ESPN: variants seen among roughly 807,000 people sequenced by gnomAD.
ESPN encodes autosomal recessive deafness type 36 protein.
In ESPN, 68 loss-of-function variants were observed where a neutral mutation model predicts 77.7. The ratio of observed to expected loss-of-function variants is 0.87; its 90% confidence interval spans 0.72 to 1.07. The LOEUF (loss-of-function observed/expected upper bound fraction) is 1.07. ESPN is among the 50% of genes least tolerant of loss of function. The pLI, the probability that ESPN is intolerant of heterozygous loss-of-function variation, is 0.00. For missense variants in ESPN, 1,060 were observed against 1,239.0 expected, an observed-to-expected ratio of 0.86 and a Z score of 2.17; for synonymous variants, 449 against 567.1, an observed-to-expected ratio of 0.79 and a Z score of 2.96.
In ESPN at chr1:6,440,445, G is replaced by C. The variant is rs766549857; in HGVS notation, c.675+5G>C. On this transcript the variant is annotated splice_donor_5th_base_variant and intron_variant, in intron 3 of 12. Coordinates refer to ENST00000645284, the MANE Select transcript of ESPN (RefSeq NM_031475.3). ...AGCCCAGTCATCGTGTGGTTGGTGA[G>C]CTCCGGGCCCGGGCGGGGAGCAGGG... is the stretch of plus-strand genomic sequence containing the variant. The C allele has an allele frequency of 6.4e-7, 1 of 1,550,898 alleles. No homozygotes were observed. The highest frequency in any genetic ancestry group is 1.2e-5 in the South Asian group (1 of 85,800).
chr1:6,447,659 C>G lies in ESPN; in HGVS notation c.1465-982C>G, dbSNP rs535680147. Among the ~76,000 whole-genome samples, 3 of 152,316 alleles carry G rather than the reference C, an allele frequency of 2.0e-5. No individual in the cohort carries two copies. In the South Asian group the frequency reaches 6.2e-4, roughly 32 times the overall value. ...GACCCCGCCTTACGGCCCCTGAAAT[C>G]CGAGGCTTGAGCGCGGGTGTCGGTG... On this transcript the variant is annotated intron_variant, in intron 7 of 12. Coordinates refer to ENST00000645284, the MANE Select transcript of ESPN (RefSeq NM_031475.3). The surrounding 1 kb of genome is among the most constrained non-coding windows in gnomAD (Gnocchi z 5.2).
In ESPN at chr1:6,428,123, G is replaced by C; in HGVS notation, c.295-103G>C. ...GGCCAATCCCTCCAGGGAAGACAGAGAGCACAGAGCTACCTTCCAGGCCTG... is the reference window on the plus strand; with the variant it reads ...GGCCAATCCCTCCAGGGAAGACAGACAGCACAGAGCTACCTTCCAGGCCTG... On this transcript the variant is annotated intron_variant, in intron 1 of 12. Coordinates refer to ENST00000645284, the MANE Select transcript of ESPN (RefSeq NM_031475.3). The surrounding 1 kb of genome is among the most constrained non-coding windows in gnomAD (Gnocchi z 5.4). 1 of 1,251,630 alleles carries C rather than the reference G, an allele frequency of 8.0e-7. No individual in the cohort carries two copies. Among genetic ancestry groups the C allele is most frequent in the African/African-American group, 1.5e-5 (1 of 67,908 alleles). 77.5% of individuals were successfully genotyped at this position (1,251,630 alleles called of 1,614,324 possible).
chr1:6,448,543 G>A, intron 7 of ESPN, 98 bp from the exon 8 acceptor site: 1 of 1,115,798 alleles, frequency 9.0e-7, no homozygotes, highest in South Asian at 1.5e-5. Context: ...GACGGCCGCT[G>A]GCCGCGAGTC....
rs971482211 is a variant in ESPN, at chr1:6,451,370, C to T, written c.1916-233C>T. ...GCCTCCAGGCAGGGGCCCTCCATCC[C>T]GTGAGTAGGGTGGGGAAGATGGTGG... On this transcript the variant is annotated intron_variant, in intron 8 of 12. Coordinates refer to ENST00000645284, the MANE Select transcript of ESPN (RefSeq NM_031475.3). This position sits in a 1 kb window ranked among gnomAD's most constrained non-coding sequence, Gnocchi z 4.3. 4.0e-5 allele frequency: 24 copies of T among 602,272 alleles called. No individual in the cohort carries two copies. Among genetic ancestry groups the T allele is most frequent in the Middle Eastern group, 4.5e-4 (1 of 2,222 alleles). 37.3% of individuals were successfully genotyped at this position (602,272 alleles called of 1,614,324 possible).
chr1:6,460,590 G>T lies in ESPN; in HGVS notation c.*444G>T, dbSNP rs928158520. ...GGCAGGCCCCGAGCTCGGGGAAGGG[G>T]TTTTCCCTTCCTCTCTGACCCAGAT... is the stretch of plus-strand genomic sequence containing the variant. On this transcript the variant is annotated 3_prime_UTR_variant, in exon 13 of 13. Transcript: ENST00000645284. 1 of 172,918 alleles carries T rather than the reference G, an allele frequency of 5.8e-6. No homozygotes were observed. Among genetic ancestry groups the T allele is most frequent in the African/African-American group, 2.4e-5 (1 of 41,694 alleles). The allele number at this position is 172,918 out of a possible 1,614,324, so 10.7% of individuals were successfully genotyped here. A position where few individuals can be genotyped will look rare whatever the true frequency, so the allele number is the denominator to read the frequency against.
chr1:6,446,625 G>C (rs964781219), intron 7 of ESPN, among the ~76,000 whole-genome samples: 2 of 152,184 alleles, frequency 1.3e-5, no homozygotes, highest in Admixed American at 1.3e-4. Context: ...TGGAGCAGGG[G>C]TTGGGGCAGA....
downstream of ESPN, chr1:6,461,069 C>T: frequency 2.1e-6 from 1 of 483,000 alleles, no homozygotes; most frequent in Non-Finnish European, 4.2e-6. This position sits in a 1 kb window ranked among gnomAD's most constrained non-coding sequence, Gnocchi z 6.3. Flanking sequence ...CCCGGGGTGA[C>T]AAGATTCCCG....
At chr1:6,443,323 A>G (rs1643713962) in intron 5 of ESPN, among the ~76,000 whole-genome samples, 1 of 152,262 alleles carries the variant, frequency 6.6e-6, no homozygotes, top group Non-Finnish European at 1.5e-5. Context: ...CTAGTAAGTC[A>G]GGGAGGGGAA....
In ESPN at chr1:6,440,688, C is replaced by A; in HGVS notation, c.738C>A (p.Phe246Leu). Reference protein sequence around the residue: ...QDKDGATAMHFAASRGHTKVL... With the variant: ...QDKDGATAMHLAASRGHTKVL... ...AAGACGGCGCCACCGCCATGCACTT[C>A]GCGGCGAGCCGCGGCCACACCAAGG... Residue 246 changes from phenylalanine (F) to leucine (L), a missense_variant, in exon 4 of 13, where the codon TTC (phenylalanine) becomes TTA (leucine). Around this residue, in one of 3 missense-constraint regions of ESPN, gnomAD observed 556 missense variants for 633.6 expected, o/e 0.88. Transcript: ENST00000645284. The A allele has an allele frequency of 3.3e-6, 5 of 1,505,678 alleles. No individual in the cohort carries two copies. In the South Asian group the frequency reaches 4.8e-5, roughly 15 times the overall value. The allele number at this position is 1,505,678 out of a possible 1,614,324, so 93.3% of individuals were successfully genotyped here. A position where few individuals can be genotyped will look rare whatever the true frequency, so the allele number is the denominator to read the frequency against.
intron 10 of ESPN, chr1:6,454,898 G>A (rs1357813966): frequency 1.8e-5 from 7 of 388,196 alleles, no homozygotes; most frequent in African/African-American, 1.5e-4. Context: ...GCTCGCACTC[G>A]CTCAGCTGGT....
At position 6,437,335 on chromosome 1, in the gene ESPN, AC is replaced by A. The variant is rs1643474846; in HGVS notation, c.489-2917del. 1 of 151,030 alleles carries A rather than the reference AC, an allele frequency of 6.6e-6. No individual in the cohort carries two copies. The highest frequency in any genetic ancestry group is 1.5e-5 in the Non-Finnish European group (1 of 67,838). 9.4% of individuals were successfully genotyped at this position (151,030 alleles called of 1,614,324 possible). ...AGCTCACCGCAGGTCTGGCCCCCCCACCAGCTGTGCAGACCGCCGTGGGCCT... is the reference window on the plus strand; with the variant it reads ...AGCTCACCGCAGGTCTGGCCCCCCCACAGCTGTGCAGACCGCCGTGGGCCT... On this transcript the variant is annotated intron_variant, in intron 2 of 12. Transcript: ENST00000645284. The surrounding 1 kb of genome is among the most constrained non-coding windows in gnomAD (Gnocchi z 4.5).
Position 6,424,889 on chromosome 1 carries a change from C to T in ESPN, c.-67C>T. 1.5e-6 allele frequency: 2 copies of T among 1,350,906 alleles called. No individual in the cohort carries two copies. The highest frequency in any genetic ancestry group is 1.9e-6 in the Non-Finnish European group (2 of 1,050,968). The allele number at this position is 1,350,906 out of a possible 1,614,324, so 83.7% of individuals were successfully genotyped here. On this transcript the variant is annotated 5_prime_UTR_variant, in exon 1 of 13. Coordinates refer to ENST00000645284, the MANE Select transcript of ESPN (RefSeq NM_031475.3). ...CCGCACCGCGGGCTCCTCTGGCCCG[C>T]AAGAACACGTGCATGGCGTCCTGGG... is the stretch of plus-strand genomic sequence containing the variant.
intron 3 of ESPN, 31 bp from the exon 4 acceptor site, chr1:6,440,595 C>CCCCCCCCCCCA: frequency 8.9e-7 from 1 of 1,127,948 alleles, no homozygotes; most frequent in Non-Finnish European, 1.3e-6. Context: ...CGCCCAGCCC[C>CCCCCCCCCCCA]CGCCCCCCTC....
At position 6,438,226 on chromosome 1, in the gene ESPN, C is replaced by A. The variant is rs554646811; in HGVS notation, c.489-2028C>A. On this transcript the variant is annotated intron_variant, in intron 2 of 12. Transcript: ENST00000645284. ...CTAGTGTCCTTCGGTGGTAACTGCACCCTGGCTGTTCACCTGGACACACCA... is the reference window on the plus strand; with the variant it reads ...CTAGTGTCCTTCGGTGGTAACTGCAACCTGGCTGTTCACCTGGACACACCA... Among the ~76,000 whole-genome samples, 165 of 152,300 alleles carry A rather than the reference C, an allele frequency of 1.1e-3. 1 individual carries two copies. The highest frequency in any genetic ancestry group is 3.6e-3 in the African/African-American group (151 of 41,568).
rs756804502 is a variant in ESPN, at chr1:6,460,196, C to T, written c.*50C>T. On this transcript the variant is annotated 3_prime_UTR_variant, in exon 13 of 13. Transcript: ENST00000645284. ...CTCGCAGCTCCGTGGGGCCCTCCGC[C>T]CCAGCCCCAGCCAGCCAGGCCCTGG... 1.3e-6 allele frequency: 2 copies of T among 1,590,126 alleles called. No homozygotes were observed. Among genetic ancestry groups the T allele is most frequent in the Non-Finnish European group, 1.7e-6 (2 of 1,165,282 alleles).
chr1:6,425,172 C>T lies in ESPN; in HGVS notation c.217C>T (p.Pro73Ser). 1.3e-6 allele frequency: 2 copies of T among 1,532,472 alleles called. No individual in the cohort carries two copies. The highest frequency in any genetic ancestry group is 1.7e-6 in the Non-Finnish European group (2 of 1,146,244). The allele number at this position is 1,532,472 out of a possible 1,614,324, so 94.9% of individuals were successfully genotyped here. Residue 73 changes from proline (P) to serine (S), a missense_variant, in exon 1 of 13, where the codon CCG becomes TCG. Coordinates refer to ENST00000645284, the MANE Select transcript of ESPN (RefSeq NM_031475.3). The part of the protein sequence containing the change: ...AAARARNGAT[P>S]AHDASATGHL... ...GGCCCGCGCCCGCAACGGCGCCACA[C>T]CGGCCCACGACGCCTCCGCCACCGG...
Position 6,428,119 on chromosome 1 carries a change from CAG to C in ESPN, c.295-102_295-101del, listed in dbSNP as rs1278915159. 9.0e-6 allele frequency: 11 copies of C among 1,218,200 alleles called. No individual in the cohort carries two copies. In the African/African-American group the frequency reaches 1.2e-4, roughly 13 times the overall value. 75.5% of individuals were successfully genotyped at this position (1,218,200 alleles called of 1,614,324 possible). ...GCCTGGCCAATCCCTCCAGGGAAGA[CAG>C]AGAGCACAGAGCTACCTTCCAGGCC... On this transcript the variant is annotated intron_variant, in intron 1 of 12. Transcript: ENST00000645284. This position sits in a 1 kb window ranked among gnomAD's most constrained non-coding sequence, Gnocchi z 5.4.
intron 10 of ESPN, chr1:6,454,289 C>G (rs1644008580): frequency 2.0e-5 from 8 of 397,340 alleles, no homozygotes; most frequent in Non-Finnish European, 3.1e-5. Flanking sequence ...CACCCCCCGC[C>G]GGCCAGACGC....
intron 2 of ESPN, among the ~76,000 whole-genome samples, chr1:6,438,272 G>A (rs1224791988): frequency 1.3e-5 from 2 of 152,206 alleles, no homozygotes; most frequent in Non-Finnish European, 2.9e-5. Flanking sequence ...AGACCCTCCT[G>A]GTGGCTGGTC....
Sources: gnomAD v4.1 joint callset for allele counts (sites outside exome capture counted in the v4.1 genomes callset) on GRCh38, gnomAD v4.1.1 for gene constraint, gnomAD v4.1.1 regional missense constraint, Gnocchi (gnomAD v3.1) non-coding constraint, MANE v1.5 for transcripts, NCBI Gene and HGNC (gene_info 2026-07-23, HGNC 2026-07-21) for gene names.